Variants in PTPRS observed in about 807,000 individuals in gnomAD.
The protein encoded by PTPRS is receptor-type tyrosine-protein phosphatase S.
PTPRS carries 63 observed loss-of-function variants against 215.3 expected under a neutral mutation model. The ratio of observed to expected loss-of-function variants is 0.29; its 90% CI spans 0.24 to 0.36. The LOEUF (loss-of-function observed/expected upper bound fraction) is 0.36. Ranked by LOEUF, PTPRS falls within the 10% of genes least tolerant of loss-of-function variation. The pLI, the probability that PTPRS is intolerant of heterozygous loss-of-function variation, is 1.00. For synonymous variants in PTPRS, 1,404 were observed against 1,191.4 expected (o/e 1.18, Z -3.68); for missense variants, 2,258 against 2,825.8 (o/e 0.80, Z 4.56).
chr19:5,246,872 T>C (rs1456496321), intron 9 of PTPRS, among the ~76,000 whole-genome samples: 3 of 150,596 alleles, frequency 2.0e-5, no homozygotes, highest in African/African-American at 7.3e-5. Flanking sequence ...ACAAACATCA[T>C]GCAAAATAGA....
At chr19:5,291,055 G>A (rs2048773494) in intron 1 of PTPRS, among the ~76,000 whole-genome samples, 1 of 152,092 alleles carries the variant, frequency 6.6e-6, no homozygotes, top group African/African-American at 2.4e-5. Flanking sequence ...TCAGGGAGGG[G>A]CTGGGTGGGG....
At position 5,322,406 on chromosome 19, in the gene PTPRS, G is replaced by A. The variant is rs547629678; in HGVS notation, c.-95+18258C>T. On this transcript the variant is annotated intron_variant, in intron 1 of 37. Transcript: ENST00000262963. Reference sequence around the variant, plus strand: ...GGCAGAGGCCCCGGAACTCGAGGACGTGGCTATTTTAAAGGGGCTATTTCT... The same window carrying A: ...GGCAGAGGCCCCGGAACTCGAGGACATGGCTATTTTAAAGGGGCTATTTCT... Among the ~76,000 whole-genome samples the A allele has an allele frequency of 7.9e-5, 12 of 152,326 alleles. No homozygotes were observed. The East Asian group carries it at 1.7e-3, about 22-fold the overall frequency.
In PTPRS at chr19:5,210,785, G is replaced by T; in HGVS notation, c.5255C>A (p.Ala1752Glu). The change falls in exon 34 of 38, where the codon GCG becomes GAG. Residue 1752 changes from alanine to glutamate, a missense_variant. By Grantham distance (107) the Ala-to-Glu change is moderately radical. Transcript: ENST00000262963. The surrounding 1 kb of genome is among the most constrained non-coding windows in gnomAD (Gnocchi z 4.5). ...DGYRQQKAYI[A>E]TQGPLAETTE... ...GGTCTCCGCCAGCGGCCCCTGTGTC[G>T]CGATGTAGGCCTTCTGCTGCCTGCA... 6.2e-7 allele frequency: 1 copy of T among 1,613,922 alleles called. No homozygotes were observed. Among genetic ancestry groups the T allele is most frequent in the Non-Finnish European group, 8.5e-7 (1 of 1,180,024 alleles).
intron 9 of PTPRS, among the ~76,000 whole-genome samples, chr19:5,249,015 T>G (rs2044760584): frequency 6.6e-6 from 1 of 152,126 alleles, no homozygotes; most frequent in Non-Finnish European, 1.5e-5. Context: ...GGATGAATTA[T>G]AAAAAGGAAA....
At chr19:5,336,164 G>A (rs374098448) in intron 1 of PTPRS, among the ~76,000 whole-genome samples, 14 of 149,614 alleles carry the variant, frequency 9.4e-5, no homozygotes, top group East Asian at 5.9e-4. Flanking sequence ...CCTCCCCAGC[G>A]CTTCTCAAAT....
intron 29 of PTPRS, 29 bp from the exon 30 acceptor site, chr19:5,214,509 C>T: frequency 6.2e-7 from 1 of 1,613,466 alleles, no homozygotes. Context: ...CAGGTGTCAG[C>T]AGGGACAGGC....
intron 1 of PTPRS, among the ~76,000 whole-genome samples, chr19:5,326,557 G>A (rs964579887): frequency 8.6e-5 from 13 of 151,482 alleles, no homozygotes; most frequent in Non-Finnish European, 2.9e-5. Flanking sequence ...ACGGTGGCTC[G>A]TGCCTGTAAT....
chr19:5,308,380 A>G (rs530130766), intron 1 of PTPRS, among the ~76,000 whole-genome samples: 3 of 151,922 alleles, frequency 2.0e-5, no homozygotes, highest in African/African-American at 7.2e-5. Flanking sequence ...GTCCCCCCAG[A>G]CTCCTTAAGG....
At chr19:5,279,530 T>G (rs975841522) in intron 2 of PTPRS, among the ~76,000 whole-genome samples, 2 of 151,790 alleles carry the variant, frequency 1.3e-5, no homozygotes, top group East Asian at 3.9e-4. Context: ...TGCTACCACA[T>G]GCGGCTAATT....
rs146934414 is a variant in PTPRS, at chr19:5,309,986, C to T, written c.-94-23752G>A. Among the ~76,000 whole-genome samples the T allele has an allele frequency of 6.5e-3, 994 of 152,236 alleles. 13 individuals are homozygous for T. The highest frequency in any genetic ancestry group is 0.022 in the African/African-American group (931 of 41,528). On this transcript the variant is annotated intron_variant, in intron 1 of 37. Transcript: ENST00000262963. Reference sequence around the variant, plus strand: ...TGGCTCCCACCTCCCTCAGAGTAAACGCCCAAGTCCTCCTGGTGCCCCACA... The same window carrying T: ...TGGCTCCCACCTCCCTCAGAGTAAATGCCCAAGTCCTCCTGGTGCCCCACA...
chr19:5,311,203 T>G (rs1489602684), intron 1 of PTPRS, among the ~76,000 whole-genome samples: 1 of 152,110 alleles, frequency 6.6e-6, no homozygotes, highest in Non-Finnish European at 1.5e-5. Flanking sequence ...AGAGATGAGA[T>G]TTCACCATGT....
intron 4 of PTPRS, among the ~76,000 whole-genome samples, chr19:5,267,514 A>G (rs989656147): frequency 5.3e-5 from 8 of 151,848 alleles, no homozygotes; most frequent in Non-Finnish European, 2.9e-5. Flanking sequence ...GAAATTAGCC[A>G]GGCATGGTGG....
chr19:5,218,422 G>A lies in PTPRS; in HGVS notation c.4046C>T (p.Pro1349Leu). The stretch of plus-strand genomic sequence containing the variant: ...TGGTACCAGGGATAAGTACATACCT[G>A]GAGTCTGGAAGTTAATGCGTCTCAT... ...VEMRRINFQT[P>L]DSGLRSPLRE... is the part of the protein sequence containing the mutation. Residue 1349 changes from proline (P) to leucine (L), a missense_variant and splice_region_variant, in exon 25 of 38, where the codon CCA becomes CTA. Transcript: ENST00000262963. 3 of 1,613,154 alleles carry A rather than the reference G, an allele frequency of 1.9e-6. No individual in the cohort carries two copies. Among genetic ancestry groups the A allele is most frequent in the African/African-American group, 1.3e-5 (1 of 74,964 alleles).
Position 5,211,947 on chromosome 19 carries a change from C to T in PTPRS, c.5055+18G>A. 1 of 1,571,212 alleles carries T rather than the reference C, an allele frequency of 6.4e-7. No homozygotes were observed. ...CTCCTCCCCACCCCGCCCACAGCAGCCTCCACCCCGCTGGCACCTTGAACT... is the reference window on the plus strand; with the variant it reads ...CTCCTCCCCACCCCGCCCACAGCAGTCTCCACCCCGCTGGCACCTTGAACT... On this transcript the variant is annotated intron_variant, in intron 32 of 37. Transcript: ENST00000262963.
Position 5,240,260 on chromosome 19 carries a change from G to A in PTPRS, c.1643C>T (p.Pro548Leu), listed in dbSNP as rs145504993. 1,409 of 1,590,218 alleles carry A rather than the reference G, an allele frequency of 8.9e-4. 2 individuals carry two copies. The highest frequency in any genetic ancestry group is 9.3e-4 in the Admixed American group (52 of 56,012). ...GTACTTGATGATACTCTCCTGCCGC[G>A]GGGGGCTCCAGGACAGCGTGATGCT... ...ETSITLSWSP[P>L]RQESIIKYEL... The change falls in exon 12 of 38, where the codon CCG becomes CTG. Residue 548 changes from proline to leucine, a missense_variant. Physicochemically the swap from Pro to Leu is moderately conservative, Grantham distance 98 (BLOSUM62 -3). Coordinates refer to ENST00000262963, the MANE Select transcript of PTPRS (RefSeq NM_002850.4).
intron 22 of PTPRS, 115 bp downstream of exon 22, chr19:5,219,824 G>T: frequency 1.6e-6 from 2 of 1,232,772 alleles, no homozygotes; most frequent in African/African-American, 1.5e-5. Context: ...CCTCTGCCCA[G>T]CTCTGACCAC....
intron 1 of PTPRS, among the ~76,000 whole-genome samples, chr19:5,325,643 C>T (rs1291429262): frequency 7.9e-5 from 12 of 152,258 alleles, no homozygotes; most frequent in Admixed American, 7.9e-4. Context: ...CAAGGACAGG[C>T]CCCCACCGGC....
Position 5,287,617 on chromosome 19 carries a change from G to A in PTPRS, c.-94-1383C>T, listed in dbSNP as rs73919797. ...GGCCGTGACCACAGGAACTGGTGGCGCATAATAACGGGGCAGCCCCTGTGA... is the reference window on the plus strand; with the variant it reads ...GGCCGTGACCACAGGAACTGGTGGCACATAATAACGGGGCAGCCCCTGTGA... On this transcript the variant is annotated intron_variant, in intron 1 of 37. Coordinates refer to ENST00000262963, the MANE Select transcript of PTPRS (RefSeq NM_002850.4). This position sits in a 1 kb window ranked among gnomAD's most constrained non-coding sequence, Gnocchi z 4.8. Among the ~76,000 whole-genome samples, 2,421 of 152,252 alleles carry A rather than the reference G, an allele frequency of 0.016. 60 individuals are homozygous for A. The highest frequency in any genetic ancestry group is 0.056 in the African/African-American group (2,312 of 41,544).
chr19:5,335,190 G>A (rs946427781), intron 1 of PTPRS, among the ~76,000 whole-genome samples: 2 of 152,180 alleles, frequency 1.3e-5, no homozygotes, highest in Non-Finnish European at 1.5e-5. Flanking sequence ...TCCGCCCGCC[G>A]GATACCCCTC....
Sources: gnomAD v4.1 joint callset for allele counts (sites outside exome capture counted in the v4.1 genomes callset) on GRCh38, gnomAD v4.1.1 for gene constraint, Gnocchi (gnomAD v3.1) non-coding constraint, MANE v1.5 for transcripts, NCBI Gene and HGNC (gene_info 2026-07-23, HGNC 2026-07-21) for gene names.